Variants in RNF220 observed in about 807,000 individuals in gnomAD.
RNF220 encodes E3 ubiquitin-protein ligase RNF220.
A neutral mutation model predicts 67.1 loss-of-function variants in RNF220; 7 were observed. The observed-to-expected ratio is 0.10, with a 90% CI of 0.06 to 0.20. The LOEUF (loss-of-function observed/expected upper bound fraction) is 0.20. Ranked by LOEUF, RNF220 falls within the 10% of genes least tolerant of loss-of-function variation. The pLI is 1.00. For synonymous variants in RNF220, 270 were observed against 283.2 expected (o/e 0.95, Z 0.47); for missense variants, 565 against 740.3 (o/e 0.76, Z 2.75).
intron 2 of RNF220, among the ~76,000 whole-genome samples, chr1:44,501,542 T>A (rs184798051): frequency 6.4e-4 from 92 of 144,748 alleles, no homozygotes; most frequent in Middle Eastern, 3.4e-3. Flanking sequence ...AGCATGGGGT[T>A]ATTGGGTGTG....
chr1:44,642,326 A>G (rs1397206361), intron 8 of RNF220, among the ~76,000 whole-genome samples: 1 of 152,234 alleles, frequency 6.6e-6, no homozygotes, highest in Non-Finnish European at 1.5e-5. Flanking sequence ...ATGGAGCCAA[A>G]CAGAGGATGA....
intron 2 of RNF220, among the ~76,000 whole-genome samples, chr1:44,490,445 C>T (rs191844118): frequency 1.3e-5 from 2 of 150,330 alleles, no homozygotes; most frequent in East Asian, 3.9e-4. Flanking sequence ...CATTGTGCTC[C>T]AGCCTGGGCA....
intron 2 of RNF220, among the ~76,000 whole-genome samples, chr1:44,426,871 C>T (rs1649843107): frequency 6.6e-6 from 1 of 152,134 alleles, no homozygotes; most frequent in African/African-American, 2.4e-5. Flanking sequence ...CTCCAAGTTC[C>T]CAGGGGTCCT....
intron 2 of RNF220, chr1:44,424,054 G>A (rs1649496818): frequency 1.0e-6 from 1 of 979,708 alleles, no homozygotes; most frequent in African/African-American, 1.8e-5. Flanking sequence ...GCTCCTGTGT[G>A]TAGAGCGTTG....
chr1:44,520,237 C>T (rs1479436943), intron 2 of RNF220, among the ~76,000 whole-genome samples: 2 of 151,418 alleles, frequency 1.3e-5, no homozygotes, highest in Admixed American at 6.6e-5. Flanking sequence ...CCAAGAAAGG[C>T]GGATCACGAG....
chr1:44,440,770 T>C (rs1367120515), intron 2 of RNF220, among the ~76,000 whole-genome samples: 2 of 152,230 alleles, frequency 1.3e-5, no homozygotes, highest in Admixed American at 1.3e-4. Flanking sequence ...TTGATGCTTT[T>C]TCTGTTGAGG....
intron 2 of RNF220, among the ~76,000 whole-genome samples, chr1:44,480,623 C>T (rs1005259431): frequency 2.6e-5 from 4 of 152,004 alleles, no homozygotes; most frequent in Non-Finnish European, 5.9e-5. Context: ...GAAAATGGGC[C>T]GGGGGCAGTG....
At chr1:44,581,902 A>G (rs1665306680) in intron 2 of RNF220, among the ~76,000 whole-genome samples, 2 of 152,162 alleles carry the variant, frequency 1.3e-5, no homozygotes, top group Non-Finnish European at 2.9e-5. Flanking sequence ...TAGCCAGGTC[A>G]ATGGAAATGG....
chr1:44,644,082 C>G (rs1353136038), intron 8 of RNF220: 1 of 154,862 alleles, frequency 6.5e-6, no homozygotes, highest in East Asian at 1.9e-4. Flanking sequence ...TTCTTAATCC[C>G]TTTATAACTG....
intron 6 of RNF220, among the ~76,000 whole-genome samples, chr1:44,634,387 C>A (rs908950984): frequency 6.6e-6 from 1 of 152,244 alleles, no homozygotes. Flanking sequence ...AGTAAATGAG[C>A]TACCTTGGGT....
intron 2 of RNF220, among the ~76,000 whole-genome samples, chr1:44,463,176 A>G (rs1228468210): frequency 2.6e-5 from 4 of 152,200 alleles, no homozygotes; most frequent in African/African-American, 9.7e-5. Flanking sequence ...GTCTCTACTA[A>G]AAATACAAAA....
intron 2 of RNF220, among the ~76,000 whole-genome samples, chr1:44,499,080 A>C (rs913695649): frequency 1.1e-4 from 16 of 151,954 alleles, no homozygotes; most frequent in Admixed American, 6.6e-5. Flanking sequence ...GAAGGACTGC[A>C]CCCTATTGAC....
At chr1:44,635,466 G>T in intron 6 of RNF220, 79 bp from the exon 7 acceptor site, 1 of 1,567,532 alleles carries the variant, frequency 6.4e-7, no homozygotes, top group Non-Finnish European at 8.7e-7. Flanking sequence ...AGGTCAGGAT[G>T]TGTCAGCTCC....
Position 44,405,383 on chromosome 1 carries a change from G to C in RNF220, c.-265G>C. 1.6e-6 allele frequency: 1 copy of C among 623,066 alleles called. No individual in the cohort carries two copies. The highest frequency in any genetic ancestry group is 1.7e-5 in the South Asian group (1 of 58,482). The allele number at this position is 623,066 out of a possible 1,614,324, so 38.6% of individuals were successfully genotyped here. On this transcript the variant is annotated 5_prime_UTR_variant, in exon 1 of 15. Transcript: ENST00000361799. ...AACCCGGGGCCAGCCGCCTACTGCT[G>C]CTGCTGCTGCTGCCGCTGCCGCCGC...
intron 2 of RNF220, among the ~76,000 whole-genome samples, chr1:44,562,170 C>T (rs953961727): frequency 1.3e-4 from 20 of 152,094 alleles, no homozygotes; most frequent in African/African-American, 4.8e-4. Flanking sequence ...GCAGCGGCAC[C>T]AGGAAGGAGG....
At chr1:44,544,883 A>G (rs1159516344) in intron 2 of RNF220, among the ~76,000 whole-genome samples, 10 of 152,210 alleles carry the variant, frequency 6.6e-5, no homozygotes, top group African/African-American at 2.2e-4. Context: ...CTGGAATGCA[A>G]TCTCTCCATT....
At chr1:44,541,004 A>G (rs1661631090) in intron 2 of RNF220, among the ~76,000 whole-genome samples, 1 of 152,196 alleles carries the variant, frequency 6.6e-6, no homozygotes, top group African/African-American at 2.4e-5. Flanking sequence ...TCTGCCAGGC[A>G]TTATTCTAGG....
chr1:44,407,468 C>T (rs1325815772), intron 1 of RNF220, among the ~76,000 whole-genome samples: 1 of 152,014 alleles, frequency 6.6e-6, no homozygotes, highest in Admixed American at 6.5e-5. Context: ...GTGCTGGCGT[C>T]TTCCGTGCCG....
chr1:44,461,709 A>C (rs920663739), intron 2 of RNF220, among the ~76,000 whole-genome samples: 1 of 152,200 alleles, frequency 6.6e-6, no homozygotes, highest in Non-Finnish European at 1.5e-5. Flanking sequence ...GTCAGGGGAC[A>C]TGAATGTGTC....
Sources: allele counts gnomAD v4.1 joint callset (sites outside exome capture counted in the v4.1 genomes callset), GRCh38; gene constraint gnomAD v4.1.1; transcripts MANE v1.5; gene names NCBI Gene and HGNC (gene_info 2026-07-23, HGNC 2026-07-21).